CCND3: variants seen among roughly 807,000 people sequenced by gnomAD.
The protein encoded by CCND3 is cyclin D3.
Under a neutral mutation model 28.7 loss-of-function variants are expected in CCND3, and 9 were observed. That is an observed-to-expected ratio of 0.31 (90% CI 0.19 to 0.55). CCND3 has a LOEUF of 0.55. Ranked by LOEUF, CCND3 falls within the 20% of genes least tolerant of loss-of-function variation. The pLI is 0.93. For missense variants in CCND3, 315 were observed against 385.8 expected, an observed-to-expected ratio of 0.82 and a Z score of 1.54; for synonymous variants, 164 against 163.9, an observed-to-expected ratio of 1.00 and a Z score of 0.00.
At chr6:42,038,274 C>G (rs977184937) in intron 1 of CCND3, among the ~76,000 whole-genome samples, 1 of 152,064 alleles carries the variant, frequency 6.6e-6, no homozygotes, top group African/African-American at 2.4e-5. Context: ...TGCAGTGGCT[C>G]ACATCTGTAA....
At chr6:41,988,638 T>C (rs1370093337) in intron 1 of CCND3, among the ~76,000 whole-genome samples, 3 of 151,956 alleles carry the variant, frequency 2.0e-5, no homozygotes, top group African/African-American at 7.2e-5. Context: ...GGGATGGCTT[T>C]TTAGATATAA....
At chr6:42,014,404 C>CA (rs749133269) in intron 1 of CCND3, among the ~76,000 whole-genome samples, 23 of 151,458 alleles carry the variant, frequency 1.5e-4, no homozygotes, top group Non-Finnish European at 2.5e-4. Flanking sequence ...CAAAACAAAA[C>CA]AAAGGCCTCC....
At chr6:42,042,988 C>CA (rs1282001476) in intron 1 of CCND3, among the ~76,000 whole-genome samples, 1 of 152,202 alleles carries the variant, frequency 6.6e-6, no homozygotes, top group Non-Finnish European at 1.5e-5. Context: ...GTTACATGCA[C>CA]AAATGTTACA....
chr6:41,947,384 C>G (rs1237885721), intron 1 of CCND3, among the ~76,000 whole-genome samples: 2 of 152,054 alleles, frequency 1.3e-5, no homozygotes, highest in East Asian at 3.9e-4. Context: ...CAAGGATGTC[C>G]GATAGGCCAG....
At chr6:41,953,138 G>A (rs1776354612) in intron 1 of CCND3, among the ~76,000 whole-genome samples, 1 of 150,164 alleles carries the variant, frequency 6.7e-6, no homozygotes, top group African/African-American at 2.4e-5. Flanking sequence ...CGGGCGTGAT[G>A]GCTGTAATCC....
chr6:41,997,733 G>C (rs1762850719), intron 1 of CCND3, among the ~76,000 whole-genome samples: 1 of 151,934 alleles, frequency 6.6e-6, no homozygotes, highest in Admixed American at 6.6e-5. Flanking sequence ...AAACAACCCA[G>C]TTATGGCATG....
At chr6:42,034,308 C>T (rs918474047) in intron 1 of CCND3, among the ~76,000 whole-genome samples, 52 of 151,054 alleles carry the variant, frequency 3.4e-4, no homozygotes, top group African/African-American at 1.1e-3. Context: ...CCACCACACC[C>T]GGCTAATTTT....
At chr6:41,950,090 TAAA>T (rs397697588) in intron 1 of CCND3, among the ~76,000 whole-genome samples, 1 of 138,686 alleles carries the variant, frequency 7.2e-6, no homozygotes. Flanking sequence ...AGAGCAAGAT[TAAA>T]AAAAAAAAAA....
chr6:41,966,866 T>C (rs905208704), intron 1 of CCND3, among the ~76,000 whole-genome samples: 1 of 152,148 alleles, frequency 6.6e-6, no homozygotes, highest in Non-Finnish European at 1.5e-5. Context: ...GCATGAATAA[T>C]TGAGAATTCA....
chr6:41,998,926 G>A (rs564355156), intron 1 of CCND3, among the ~76,000 whole-genome samples: 88 of 152,204 alleles, frequency 5.8e-4, no homozygotes, highest in Middle Eastern at 6.8e-3. Flanking sequence ...TGATCCGCCC[G>A]CCTCGGCCTC....
At chr6:42,006,073 G>A (rs1013894020) in intron 1 of CCND3, among the ~76,000 whole-genome samples, 1 of 151,646 alleles carries the variant, frequency 6.6e-6, no homozygotes, top group African/African-American at 2.4e-5. Context: ...AGGCTGAGGG[G>A]GTAGGATTCC....
chr6:41,996,730 T>C (rs1762819017), intron 1 of CCND3, among the ~76,000 whole-genome samples: 1 of 150,104 alleles, frequency 6.7e-6, no homozygotes, highest in Non-Finnish European at 1.5e-5. Context: ...AGTGGCACAA[T>C]CTCGGCTCAC....
chr6:41,978,764 A>G (rs918586658), intron 1 of CCND3, among the ~76,000 whole-genome samples: 1 of 152,142 alleles, frequency 6.6e-6, no homozygotes, highest in African/African-American at 2.4e-5. Context: ...TCATCTCTAT[A>G]TGGGTGGTTA....
At chr6:42,042,829 C>T (rs1435579392) in intron 1 of CCND3, among the ~76,000 whole-genome samples, 1 of 152,086 alleles carries the variant, frequency 6.6e-6, no homozygotes, top group African/African-American at 2.4e-5. Flanking sequence ...CTCACCATTA[C>T]CCAGAGAGGT....
intron 1 of CCND3, among the ~76,000 whole-genome samples, chr6:41,982,659 G>A (rs1303548590): frequency 6.6e-6 from 1 of 152,134 alleles, no homozygotes; most frequent in African/African-American, 2.4e-5. Context: ...ACAGAGGGCT[G>A]ACACTACCTG....
At chr6:42,018,397 G>C (rs1763591667) in intron 1 of CCND3, 2 of 151,788 alleles carry the variant, frequency 1.3e-5, no homozygotes, top group Admixed American at 6.6e-5. Flanking sequence ...ATTTCACCGT[G>C]TTAGCCAGGA....
chr6:41,958,581 A>G (rs945412966), intron 1 of CCND3, among the ~76,000 whole-genome samples: 2 of 152,136 alleles, frequency 1.3e-5, no homozygotes, highest in African/African-American at 4.8e-5. Context: ...GGGAATTTAG[A>G]TGTGCTTTGC....
At chr6:41,951,235 G>C (rs945366467) in intron 1 of CCND3, among the ~76,000 whole-genome samples, 1 of 151,822 alleles carries the variant, frequency 6.6e-6, no homozygotes, top group African/African-American at 2.4e-5. Flanking sequence ...CATGGTGAAA[G>C]AAATGGGATT....
rs368980776 is a variant in CCND3 at position 41,936,717 on chromosome 6, C to G, written c.575-22G>C. On this transcript the variant is annotated intron_variant, in intron 3 of 4. Coordinates refer to ENST00000372991, the MANE Select transcript of CCND3 (RefSeq NM_001760.5). The surrounding 1 kb of genome is among the most constrained non-coding windows in gnomAD (Gnocchi z 4.4). The stretch of plus-strand genomic sequence containing the variant: ...TAATCTTGGAGAGGAGGAAAGGGAA[C>G]CATGAGAGAAGGAAACCTGAAGGAT... 4 of 1,608,066 alleles carry G rather than the reference C, an allele frequency of 2.5e-6. No homozygotes were observed. The African/African-American group carries it at 4.0e-5, about 16-fold the overall frequency.
Sources: gnomAD v4.1 joint callset for allele counts (sites outside exome capture counted in the v4.1 genomes callset) on GRCh38, gnomAD v4.1.1 for gene constraint, Gnocchi (gnomAD v3.1) non-coding constraint, MANE v1.5 for transcripts, NCBI Gene and HGNC (gene_info 2026-07-23, HGNC 2026-07-21) for gene names.